Variants in POC1B observed in about 807,000 individuals in gnomAD.
POC1B encodes POC1 centriolar protein homolog B.
In POC1B, 44 loss-of-function variants were observed where a neutral mutation model predicts 60.6. The ratio of observed to expected loss-of-function variants is 0.73; its 90% confidence interval spans 0.57 to 0.93. POC1B has a LOEUF of 0.93. Among genes scored for constraint, POC1B ranks in the 40% least tolerant of loss-of-function variants. POC1B has a pLI of 0.00. For missense variants in POC1B, 555 were observed against 572.3 expected (o/e 0.97, Z 0.31); for synonymous variants, 180 against 198.9 (o/e 0.90, Z 0.80).
At chr12:89,449,358 G>T (rs915329276) in intron 10 of POC1B, among the ~76,000 whole-genome samples, 2 of 152,204 alleles carry the variant, frequency 1.3e-5, no homozygotes, top group African/African-American at 4.8e-5. Context: ...GCATGTAAAT[G>T]AGAATGCTCC....
chr12:89,408,323 G>C, the POC1B span, among the ~76,000 whole-genome samples: 2 of 152,162 alleles, frequency 1.3e-5, no homozygotes, highest in Non-Finnish European at 2.9e-5. Flanking sequence ...TATATACCCA[G>C]TAATGGGATG....
downstream of POC1B, among the ~76,000 whole-genome samples, chr12:89,419,043 G>A (rs1314664981): frequency 2.0e-5 from 3 of 151,992 alleles, no homozygotes; most frequent in African/African-American, 7.2e-5. Context: ...ACTGTGGGGT[G>A]TGAAGAAGAA....
intron 4 of POC1B, among the ~76,000 whole-genome samples, chr12:89,482,563 C>G (rs1004382434): frequency 6.6e-6 from 1 of 151,968 alleles, no homozygotes; most frequent in Non-Finnish European, 1.5e-5. Flanking sequence ...GATCTGAGAG[C>G]AGCAGAGAAA....
intron 4 of POC1B, among the ~76,000 whole-genome samples, chr12:89,475,918 T>A (rs1263160948): frequency 6.8e-6 from 1 of 146,102 alleles, no homozygotes. Context: ...TTCTTTTTTT[T>A]TTTTTTTTTT....
intron 4 of POC1B, 114 bp from the exon 5 acceptor site, chr12:89,472,389 T>A: frequency 1.5e-6 from 1 of 670,348 alleles, no homozygotes; most frequent in East Asian, 2.9e-5. Context: ...AGACCACTGT[T>A]ACCATCCCAT....
chr12:89,523,858 T>G, intron 2 of POC1B: 1 of 1,556,322 alleles, frequency 6.4e-7, no homozygotes, highest in Non-Finnish European at 8.6e-7. Flanking sequence ...GGAATTACAC[T>G]CACAGTGACA....
chr12:89,420,903 T>C lies in POC1B; in HGVS notation c.*250A>G, dbSNP rs1204014647. On this transcript the variant is annotated 3_prime_UTR_variant, in exon 12 of 12. Transcript: ENST00000313546. Reference sequence around the variant, plus strand: ...TGGGGAAAATACAGAGTTGCTTGAATGCTTATCACTTTATTACTGCAATCA... The same window carrying C: ...TGGGGAAAATACAGAGTTGCTTGAACGCTTATCACTTTATTACTGCAATCA... 1 of 358,996 alleles carries C rather than the reference T, an allele frequency of 2.8e-6. No individual in the cohort carries two copies. Among genetic ancestry groups the C allele is most frequent in the African/African-American group, 2.1e-5 (1 of 48,240 alleles). 22.2% of individuals were successfully genotyped at this position (358,996 alleles called of 1,614,324 possible).
Position 89,454,769 on chromosome 12 carries a change from T to G in POC1B, c.1113+4869A>C, listed in dbSNP as rs540898066. Among the ~76,000 whole-genome samples, 433 of 152,260 alleles carry G rather than the reference T, an allele frequency of 2.8e-3. 2 individuals are homozygous for G. Among genetic ancestry groups the G allele is most frequent in the Non-Finnish European group, 4.6e-3 (315 of 67,978 alleles). ...CCCTGTACTATATACAGTTTATTTTTTAGATCTGTGAATTGCCTCTCTCTG... is the reference window on the plus strand; with the variant it reads ...CCCTGTACTATATACAGTTTATTTTGTAGATCTGTGAATTGCCTCTCTCTG... On this transcript the variant is annotated intron_variant, in intron 10 of 11. Transcript: ENST00000313546.
chr12:89,413,299 GGGCT>G, the POC1B span, among the ~76,000 whole-genome samples: 1 of 152,042 alleles, frequency 6.6e-6, no homozygotes, highest in African/African-American at 2.4e-5. Flanking sequence ...TCGAACTCCT[GGGCT>G]CAAGCAATCC....
intron 9 of POC1B, among the ~76,000 whole-genome samples, chr12:89,462,283 C>T (rs1882510838): frequency 6.6e-6 from 1 of 152,142 alleles, no homozygotes; most frequent in Admixed American, 6.5e-5. Flanking sequence ...TACCTTGTAG[C>T]TCCTGATATT....
chr12:89,406,505 A>G, the POC1B span, among the ~76,000 whole-genome samples: 1 of 152,198 alleles, frequency 6.6e-6, no homozygotes, highest in South Asian at 2.1e-4. Context: ...AGGAGGCAGC[A>G]TAGAGCAGTG....
chr12:89,408,201 T>C, the POC1B span, among the ~76,000 whole-genome samples: 2 of 152,232 alleles, frequency 1.3e-5, no homozygotes, highest in African/African-American at 4.8e-5. Context: ...TTAGCCAGTC[T>C]AACATTGATG....
intron 10 of POC1B, chr12:89,429,537 C>T (rs999168722): frequency 2.6e-5 from 4 of 152,206 alleles, no homozygotes; most frequent in Non-Finnish European, 4.4e-5. Flanking sequence ...TTGAGATACT[C>T]TCCTATTTCA....
chr12:89,418,897 C>A (rs1880419589), downstream of POC1B, among the ~76,000 whole-genome samples: 1 of 152,056 alleles, frequency 6.6e-6, no homozygotes, highest in African/African-American at 2.4e-5. Context: ...TCTATAGCAA[C>A]ACAAAGGGAA....
At chr12:89,479,788 T>A (rs533802397) in intron 4 of POC1B, among the ~76,000 whole-genome samples, 2 of 152,316 alleles carry the variant, frequency 1.3e-5, no homozygotes, top group East Asian at 3.9e-4. Context: ...ACAATTGCTC[T>A]ACTGATCCTC....
intron 4 of POC1B, among the ~76,000 whole-genome samples, chr12:89,489,170 A>G (rs1420268353): frequency 6.6e-6 from 1 of 152,256 alleles, no homozygotes; most frequent in Non-Finnish European, 1.5e-5. Context: ...ATGACAGCTA[A>G]GAATTATATA....
chr12:89,476,743 TAGATAGATAGATAGATAGAC>T (rs796962383), intron 4 of POC1B, among the ~76,000 whole-genome samples: 1,666 of 129,284 alleles, frequency 0.013, 16 homozygotes, highest in East Asian at 0.053. Context: ...GATAGATAGA[TAGATAGATAGATAGATAGAC>T]AGACAGACAG....
chr12:89,462,927 C>T (rs1422948429), intron 9 of POC1B, among the ~76,000 whole-genome samples: 1 of 152,014 alleles, frequency 6.6e-6, no homozygotes, highest in Non-Finnish European at 1.5e-5. Context: ...ACAGTATAAA[C>T]ATATACCCCA....
intron 3 of POC1B, among the ~76,000 whole-genome samples, chr12:89,495,710 T>G (rs974076868): frequency 2.0e-5 from 3 of 152,126 alleles, no homozygotes; most frequent in African/African-American, 7.2e-5. Flanking sequence ...TGGATGATTT[T>G]GGGATGATTC....
Sources: gnomAD v4.1 joint callset for allele counts (sites outside exome capture counted in the v4.1 genomes callset) on GRCh38, gnomAD v4.1.1 for gene constraint, MANE v1.5 for transcripts, NCBI Gene and HGNC (gene_info 2026-07-23, HGNC 2026-07-21) for gene names.